Variants in RBKS observed in about 807,000 individuals in gnomAD.
RBKS encodes the protein ribokinase.
In RBKS, 33 loss-of-function variants were observed where a neutral mutation model predicts 33.9. The observed-to-expected ratio is 0.97, with a 90% CI of 0.74 to 1.30. RBKS has a LOEUF of 1.30. Among genes scored for constraint, RBKS ranks in the 50% most tolerant of loss-of-function variants. RBKS has a pLI of 0.00. For missense variants in RBKS, 361 were observed against 392.6 expected, an observed-to-expected ratio of 0.92 and a Z score of 0.68; for synonymous variants, 125 against 143.0, an observed-to-expected ratio of 0.87 and a Z score of 0.90.
At chr2:27,860,085 C>G (rs1663943329) in intron 1 of RBKS, among the ~76,000 whole-genome samples, 1 of 152,142 alleles carries the variant, frequency 6.6e-6, no homozygotes, top group Admixed American at 6.5e-5. Context: ...AAACATCCCA[C>G]TCCTCCCCTT....
rs1046203328 is a variant in RBKS, at chr2:27,837,194, A to C, written c.515-4417T>G. On this transcript the variant is annotated intron_variant, in intron 5 of 7. Coordinates refer to ENST00000302188, the MANE Select transcript of RBKS (RefSeq NM_022128.3). This position sits in a 1 kb window ranked among gnomAD's most constrained non-coding sequence, Gnocchi z 4.0. Reference sequence around the variant, plus strand: ...GAGGCTGAGGCAGGAGAATGGCGTGAATCTGGGAGGTGGAGCTTGCAGTGA... The same window carrying C: ...GAGGCTGAGGCAGGAGAATGGCGTGCATCTGGGAGGTGGAGCTTGCAGTGA... 5.9e-5 allele frequency among the ~76,000 whole-genome samples: 9 copies of C among 152,164 alleles called. No homozygotes were observed. The highest frequency in any genetic ancestry group is 2.6e-4 in the Admixed American group (4 of 15,286).
intron 2 of RBKS, among the ~76,000 whole-genome samples, chr2:27,852,395 T>TATA (rs577753888): frequency 6.6e-6 from 1 of 152,122 alleles, no homozygotes; most frequent in Non-Finnish European, 1.5e-5. Flanking sequence ...AAGGGCTGGG[T>TATA]GTATGAGGAA....
intron 3 of RBKS, 100 bp from the exon 4 acceptor site, chr2:27,847,204 T>A (rs6547811): frequency 0.12 from 80,404 of 679,046 alleles, 5,922 homozygotes; most frequent in Non-Finnish European, 0.16. Flanking sequence ...AAAACCTTTT[T>A]AACCTTTAAC....
intron 7 of RBKS, among the ~76,000 whole-genome samples, chr2:27,801,992 A>ATTTATTT (rs1677805350): frequency 2.3e-5 from 1 of 42,694 alleles, no homozygotes. Context: ...ATATATATAT[A>ATTTATTT]TTTTTTTTTT....
chr2:27,885,001 C>A (rs1255882876), intron 1 of RBKS, among the ~76,000 whole-genome samples: 4 of 152,098 alleles, frequency 2.6e-5, no homozygotes, highest in African/African-American at 9.7e-5. Context: ...AAATTTATAT[C>A]TCCGGGTTGG....
chr2:27,803,699 CAA>C (rs10715321), intron 7 of RBKS, among the ~76,000 whole-genome samples: 59 of 125,546 alleles, frequency 4.7e-4, no homozygotes, highest in Admixed American at 9.6e-4. Context: ...GACTCTGTCT[CAA>C]AAAAAAAAAA....
intron 7 of RBKS, among the ~76,000 whole-genome samples, chr2:27,818,046 G>A (rs550170659): frequency 2.6e-5 from 4 of 152,098 alleles, no homozygotes; most frequent in African/African-American, 7.2e-5. Flanking sequence ...GTTGCATCAT[G>A]GTGCATTATA....
At chr2:27,792,507 T>G (rs576157918) in intron 7 of RBKS, among the ~76,000 whole-genome samples, 2 of 152,264 alleles carry the variant, frequency 1.3e-5, no homozygotes, top group African/African-American at 2.4e-5. Flanking sequence ...TTTTCCCTAA[T>G]TAAAAGTTGA....
chr2:27,877,705 A>G (rs139290361), intron 1 of RBKS, among the ~76,000 whole-genome samples: 1 of 152,274 alleles, frequency 6.6e-6, no homozygotes, highest in East Asian at 1.9e-4. Flanking sequence ...TTTCCTTATA[A>G]AAGATCAGAG....
At chr2:27,879,466 G>C (rs531198390) in intron 1 of RBKS, among the ~76,000 whole-genome samples, 1 of 152,170 alleles carries the variant, frequency 6.6e-6, no homozygotes, top group African/African-American at 2.4e-5. Context: ...TCAAGGGAGT[G>C]AGTTCCTAAT....
chr2:27,880,165 G>T (rs915440887), intron 1 of RBKS, among the ~76,000 whole-genome samples: 9 of 152,046 alleles, frequency 5.9e-5, no homozygotes, highest in African/African-American at 2.2e-4. Flanking sequence ...AGAACTAAAG[G>T]CAAAAGCCAC....
intron 6 of RBKS, among the ~76,000 whole-genome samples, chr2:27,831,896 AAC>A (rs1011336263): frequency 1.4e-5 from 1 of 72,972 alleles, no homozygotes; most frequent in African/African-American, 9.1e-5. Flanking sequence ...ACCTGGGTGA[AAC>A]AGTGAGTTCC....
At chr2:27,836,938 A>G (rs1279360122) in intron 5 of RBKS, among the ~76,000 whole-genome samples, 1 of 152,174 alleles carries the variant, frequency 6.6e-6, no homozygotes, top group Non-Finnish European at 1.5e-5. Context: ...AAATCAAACT[A>G]TAATGAGATA....
chr2:27,812,199 T>G (rs1677998464), intron 7 of RBKS, among the ~76,000 whole-genome samples: 1 of 151,966 alleles, frequency 6.6e-6, no homozygotes, highest in Admixed American at 6.6e-5. Flanking sequence ...AGTTAAAAAG[T>G]CAGGAAACAA....
intron 6 of RBKS, 30 bp from the exon 7 acceptor site, chr2:27,827,785 T>G: frequency 6.6e-7 from 1 of 1,517,992 alleles, no homozygotes; most frequent in African/African-American, 1.4e-5. Context: ...ACAGAAACAG[T>G]GGTGAAAATA....
At chr2:27,785,480 C>T (rs149355930) in intron 7 of RBKS, among the ~76,000 whole-genome samples, 151 of 152,188 alleles carry the variant, frequency 9.9e-4, no homozygotes, top group Non-Finnish European at 1.4e-3. Context: ...ATGTGTAACG[C>T]TCGGATGGGT....
chr2:27,857,970 C>T (rs1663891507), intron 2 of RBKS, among the ~76,000 whole-genome samples: 1 of 152,144 alleles, frequency 6.6e-6, no homozygotes, highest in Admixed American at 6.5e-5. Context: ...GTCCATCAAT[C>T]CATTCATTGA....
At chr2:27,816,507 T>G (rs1283951135) in intron 7 of RBKS, among the ~76,000 whole-genome samples, 6 of 152,246 alleles carry the variant, frequency 3.9e-5, no homozygotes, top group Non-Finnish European at 8.8e-5. Context: ...TTCTTTATTC[T>G]ATGATGCTGA....
chr2:27,878,801 A>G (rs887302300), intron 1 of RBKS, among the ~76,000 whole-genome samples: 1 of 151,928 alleles, frequency 6.6e-6, no homozygotes, highest in African/African-American at 2.4e-5. Context: ...GCATTTTTTC[A>G]TGTGTCTTTT....
Sources: gnomAD v4.1 joint callset for allele counts (sites outside exome capture counted in the v4.1 genomes callset) on GRCh38, gnomAD v4.1.1 for gene constraint, Gnocchi (gnomAD v3.1) non-coding constraint, MANE v1.5 for transcripts, NCBI Gene and HGNC (gene_info 2026-07-23, HGNC 2026-07-21) for gene names.